CAPRIN1: variants seen among roughly 807,000 people sequenced by gnomAD.
The protein encoded by CAPRIN1 is caprin-1.
A neutral mutation model predicts 100.9 loss-of-function variants in CAPRIN1; 29 were observed. The observed-to-expected ratio is 0.29, with a 90% CI of 0.21 to 0.39. CAPRIN1 has a LOEUF of 0.39. Ranked by LOEUF, CAPRIN1 falls within the 10% of genes least tolerant of loss-of-function variation. The pLI, the probability that CAPRIN1 is intolerant of heterozygous loss-of-function variation, is 1.00. For synonymous variants in CAPRIN1, 338 were observed against 307.5 expected, an observed-to-expected ratio of 1.10 and a Z score of -1.04; for missense variants, 795 against 876.7, an observed-to-expected ratio of 0.91 and a Z score of 1.18.
In CAPRIN1 at chr11:34,086,411, C is replaced by T; in HGVS notation, c.1229C>T (p.Pro410Leu). ...GACATGCCCCAGCTGGTTTGCCCTC[C>T]AGGTTAGTAGTGGTACATTTTTATG... ...NMDMPQLVCP[P>L]VHSESRLAQP... Residue 410 changes from proline (P) to leucine (L), a missense_variant and splice_region_variant, in exon 11 of 19, where the codon CCA (proline) becomes CTA (leucine). Transcript: ENST00000341394. The T allele has an allele frequency of 1.9e-6, 3 of 1,595,030 alleles. No homozygotes were observed. The highest frequency in any genetic ancestry group is 1.1e-5 in the South Asian group (1 of 90,256).
intron 9 of CAPRIN1, among the ~76,000 whole-genome samples, chr11:34,084,755 A>G (rs1400425135): frequency 6.6e-6 from 1 of 152,222 alleles, no homozygotes; most frequent in Non-Finnish European, 1.5e-5. Context: ...ATAGGGATGT[A>G]TAGCATGGAT....
chr11:34,083,794 A>C (rs1250303822), intron 9 of CAPRIN1, among the ~76,000 whole-genome samples: 1 of 152,164 alleles, frequency 6.6e-6, no homozygotes, highest in African/African-American at 2.4e-5. Context: ...TTGGCCGGGC[A>C]CGGTGGTTCA....
chr11:34,056,584 T>G (rs1850456650), intron 2 of CAPRIN1: 1 of 152,114 alleles, frequency 6.6e-6, no homozygotes, highest in Non-Finnish European at 1.5e-5. Context: ...AATATTGAAT[T>G]GAATGATTAA....
Position 34,099,456 on chromosome 11 carries a change from C to A in CAPRIN1, c.*89C>A. Reference sequence around the variant, plus strand: ...CCAGAAGAGTTATTATCTATTTGTTCTCCCTTTCAGGAAACTTATTGTAAA... The same window carrying A: ...CCAGAAGAGTTATTATCTATTTGTTATCCCTTTCAGGAAACTTATTGTAAA... On this transcript the variant is annotated 3_prime_UTR_variant, in exon 19 of 19. Coordinates refer to ENST00000341394, the MANE Select transcript of CAPRIN1 (RefSeq NM_005898.5). The A allele has an allele frequency of 1.8e-6, 2 of 1,131,398 alleles. No individual in the cohort carries two copies. Among genetic ancestry groups the A allele is most frequent in the African/African-American group, 1.5e-5 (1 of 65,262 alleles). The allele number at this position is 1,131,398 out of a possible 1,614,324, so 70.1% of individuals were successfully genotyped here. A position where few individuals can be genotyped will look rare whatever the true frequency, so the allele number is the denominator to read the frequency against.
In CAPRIN1 at chr11:34,099,457, T is replaced by C; in HGVS notation, c.*90T>C. ...CAGAAGAGTTATTATCTATTTGTTC[T>C]CCCTTTCAGGAAACTTATTGTAAAG... is the stretch of plus-strand genomic sequence containing the variant. On this transcript the variant is annotated 3_prime_UTR_variant, in exon 19 of 19. Coordinates refer to ENST00000341394, the MANE Select transcript of CAPRIN1 (RefSeq NM_005898.5). 9.0e-7 allele frequency: 1 copy of C among 1,112,530 alleles called. No individual in the cohort carries two copies. The highest frequency in any genetic ancestry group is 1.4e-6 in the Non-Finnish European group (1 of 736,502). The allele number at this position is 1,112,530 out of a possible 1,614,324, so 68.9% of individuals were successfully genotyped here.
chr11:34,098,286 T>C lies in CAPRIN1; in HGVS notation c.2065+525T>C, dbSNP rs1030155631. On this transcript the variant is annotated intron_variant, in intron 18 of 18. Coordinates refer to ENST00000341394, the MANE Select transcript of CAPRIN1 (RefSeq NM_005898.5). Reference sequence around the variant, plus strand: ...GCCTTTTGGACCTCTATTAGTGATATAAATATCAAGTTATTTCTGACTTTT... The same window carrying C: ...GCCTTTTGGACCTCTATTAGTGATACAAATATCAAGTTATTTCTGACTTTT... 4.1e-6 allele frequency: 4 copies of C among 984,400 alleles called. No individual in the cohort carries two copies. In the African/African-American group the frequency reaches 5.2e-5, roughly 13 times the overall value. The allele number at this position is 984,400 out of a possible 1,614,324, so 61.0% of individuals were successfully genotyped here. A position where few individuals can be genotyped will look rare whatever the true frequency, so the allele number is the denominator to read the frequency against.
At chr11:34,055,410 C>T (rs988078945) in intron 2 of CAPRIN1, among the ~76,000 whole-genome samples, 1 of 152,212 alleles carries the variant, frequency 6.6e-6, no homozygotes, top group Non-Finnish European at 1.5e-5. Context: ...GCAACCTCCG[C>T]CTCCTGGGTT....
chr11:34,060,296 T>C (rs942569955), intron 2 of CAPRIN1, among the ~76,000 whole-genome samples: 2 of 152,056 alleles, frequency 1.3e-5, no homozygotes, highest in African/African-American at 4.8e-5. Flanking sequence ...CATTGTACAT[T>C]ATTGGAAATT....
chr11:34,064,456 C>A (rs1177083370), intron 2 of CAPRIN1, among the ~76,000 whole-genome samples: 1 of 152,184 alleles, frequency 6.6e-6, no homozygotes, highest in Non-Finnish European at 1.5e-5. Flanking sequence ...TCTGTGCTTT[C>A]AAAGATTAGG....
At chr11:34,062,798 T>A (rs1188759320) in intron 2 of CAPRIN1, among the ~76,000 whole-genome samples, 1 of 152,142 alleles carries the variant, frequency 6.6e-6, no homozygotes, top group East Asian at 1.9e-4. Flanking sequence ...GCTTCATTTT[T>A]AAGTATTCCC....
intron 4 of CAPRIN1, among the ~76,000 whole-genome samples, chr11:34,074,559 TC>T (rs1194045244): frequency 9.9e-5 from 15 of 152,176 alleles, no homozygotes; most frequent in Non-Finnish European, 1.9e-4. Flanking sequence ...CTGTCCCTCT[TC>T]CTGTGTTTCC....
chr11:34,082,901 C>CT, intron 8 of CAPRIN1, 24 bp downstream of exon 8: 1 of 1,612,990 alleles, frequency 6.2e-7, no homozygotes, highest in Non-Finnish European at 8.5e-7. Flanking sequence ...TTAATGCTGC[C>CT]TTTACTTTGC....
intron 15 of CAPRIN1, among the ~76,000 whole-genome samples, chr11:34,095,306 C>T (rs1264817804): frequency 6.6e-6 from 1 of 152,082 alleles, no homozygotes; most frequent in African/African-American, 2.4e-5. Flanking sequence ...ACACATGAAC[C>T]ATTTTACAAG....
chr11:34,082,998 G>A lies in CAPRIN1; in HGVS notation c.923G>A (p.Gly308Asp). Reference protein sequence around the residue: ...QFMAETQFTSGEKEQVDEWTV... With the variant: ...QFMAETQFTSDEKEQVDEWTV... ...ATGGCAGAAACACAGTTCACCAGTGGTGAAAAGGAGCAGGTAGATGAGTGG... is the reference window on the plus strand; with the variant it reads ...ATGGCAGAAACACAGTTCACCAGTGATGAAAAGGAGCAGGTAGATGAGTGG... Residue 308 changes from glycine to aspartate, a missense_variant, in exon 9 of 19, where the codon GGT becomes GAT. By Grantham distance (94) the Gly-to-Asp change is moderately conservative. Coordinates refer to ENST00000341394, the MANE Select transcript of CAPRIN1 (RefSeq NM_005898.5). 6.2e-7 allele frequency: 1 copy of A among 1,614,154 alleles called. No individual in the cohort carries two copies. Among genetic ancestry groups the A allele is most frequent in the Non-Finnish European group, 8.5e-7 (1 of 1,179,988 alleles).
chr11:34,052,397 C>T (rs1404450320), intron 1 of CAPRIN1, 24 bp from the exon 2 acceptor site: 10 of 1,595,188 alleles, frequency 6.3e-6, no homozygotes, highest in South Asian at 2.2e-5. Context: ...CCCGCTTTTT[C>T]TTCTCTCTCC....
chr11:34,090,015 A>T, intron 12 of CAPRIN1, 164 bp from the exon 13 acceptor site: 2 of 410,160 alleles, frequency 4.9e-6, no homozygotes, highest in African/African-American at 2.1e-5. Flanking sequence ...TGCAATTTTT[A>T]GGTTTTATAT....
chr11:34,066,326 T>A (rs1009435295), intron 2 of CAPRIN1, among the ~76,000 whole-genome samples: 2 of 151,670 alleles, frequency 1.3e-5, no homozygotes, highest in African/African-American at 2.4e-5. Context: ...AATTTATTTT[T>A]ATTTATTTAT....
At chr11:34,096,789 T>A in intron 16 of CAPRIN1, 116 bp downstream of exon 16, 3 of 686,526 alleles carry the variant, frequency 4.4e-6, no homozygotes, top group Non-Finnish European at 7.2e-6. Flanking sequence ...GCCTCCTATG[T>A]GCAATTTAAA....
intron 6 of CAPRIN1, 94 bp downstream of exon 6, chr11:34,076,736 G>GTTT (rs369382547): frequency 5.2e-3 from 3,464 of 665,286 alleles, no homozygotes; most frequent in Middle Eastern, 8.3e-3. Context: ...AAAAAAATTA[G>GTTT]TTTTTTTTTT....
Sources: gnomAD v4.1 joint callset for allele counts (sites outside exome capture counted in the v4.1 genomes callset) on GRCh38, gnomAD v4.1.1 for gene constraint, MANE v1.5 for transcripts, NCBI Gene and HGNC (gene_info 2026-07-23, HGNC 2026-07-21) for gene names.